The following ITFG1 variants were observed in gnomAD, a reference collection of about 807,000 sequenced individuals.
The protein encoded by ITFG1 is integrin alpha FG-GAP repeat containing 1, also known as T-cell immunomodulatory protein.
ITFG1 carries 34 observed loss-of-function variants against 81.8 expected under a neutral mutation model. The observed-to-expected ratio is 0.42, with a 90% CI of 0.32 to 0.55. The LOEUF (loss-of-function observed/expected upper bound fraction) is 0.55, where lower values mean the gene tolerates loss of function less well. ITFG1 is among the 20% of genes least tolerant of loss of function. The probability of loss-of-function intolerance (pLI) is 0.17; values close to 1 mark genes in which losing one functional copy is unlikely to be tolerated. For synonymous variants in ITFG1, 285 were observed against 270.6 expected, an observed-to-expected ratio of 1.05 and a Z score of -0.52; for missense variants, 672 against 755.4, an observed-to-expected ratio of 0.89 and a Z score of 1.29.
At chr16:47,406,094 CTGCAGTT>C (rs1238757908) in intron 6 of ITFG1, among the ~76,000 whole-genome samples, 2 of 152,166 alleles carry the variant, frequency 1.3e-5, no homozygotes, top group African/African-American at 4.8e-5. Flanking sequence ...TCAGAAACAA[CTGCAGTT>C]TTTAGTAAAC....
chr16:47,388,069 T>A (rs1968484890), intron 6 of ITFG1, among the ~76,000 whole-genome samples: 1 of 151,956 alleles, frequency 6.6e-6, no homozygotes, highest in Admixed American at 6.6e-5. Context: ...AAATAAAAAA[T>A]TCACTTGAGG....
chr16:47,310,929 A>G (rs1967248451), intron 10 of ITFG1, among the ~76,000 whole-genome samples: 1 of 152,180 alleles, frequency 6.6e-6, no homozygotes, highest in Non-Finnish European at 1.5e-5. Flanking sequence ...CTCAAAATAT[A>G]ATTGGGTCAT....
intron 10 of ITFG1, among the ~76,000 whole-genome samples, chr16:47,277,009 C>T (rs1966404608): frequency 6.6e-6 from 1 of 152,066 alleles, no homozygotes; most frequent in Non-Finnish European, 1.5e-5. Context: ...ACAAAATAAC[C>T]TGTATTCATT....
intron 14 of ITFG1, chr16:47,196,744 G>A (rs1475212573): frequency 6.6e-6 from 1 of 152,248 alleles, no homozygotes; most frequent in Non-Finnish European, 1.5e-5. Context: ...ATCACTTGAG[G>A]TCAGGAGTTC....
chr16:47,430,062 T>C (rs986396520), intron 5 of ITFG1, among the ~76,000 whole-genome samples: 30 of 149,670 alleles, frequency 2.0e-4, no homozygotes, highest in Admixed American at 3.3e-4. Context: ...CTTTTCTTTT[T>C]TTTTTTTTTT....
At chr16:47,460,532 C>G (rs1323742435) in intron 1 of ITFG1, among the ~76,000 whole-genome samples, 1 of 152,102 alleles carries the variant, frequency 6.6e-6, no homozygotes, top group East Asian at 1.9e-4. Context: ...CTTTGGAAAA[C>G]AGGTGATTCC....
chr16:47,227,573 T>A (rs1965771226), intron 13 of ITFG1, among the ~76,000 whole-genome samples: 1 of 152,210 alleles, frequency 6.6e-6, no homozygotes, highest in Admixed American at 6.5e-5. Context: ...TATTGTCTTA[T>A]AAAATTGGGG....
intron 10 of ITFG1, among the ~76,000 whole-genome samples, chr16:47,294,500 T>A (rs1316542886): frequency 6.6e-6 from 1 of 152,176 alleles, no homozygotes; most frequent in African/African-American, 2.4e-5. Flanking sequence ...ATGGGATGTT[T>A]TTCCATCTTT....
chr16:47,424,325 T>A (rs1968991238), intron 6 of ITFG1, among the ~76,000 whole-genome samples: 1 of 152,204 alleles, frequency 6.6e-6, no homozygotes, highest in African/African-American at 2.4e-5. Flanking sequence ...TAGTTAGCCA[T>A]TCGCCTAACC....
At chr16:47,177,550 T>G (rs1238268652) in intron 14 of ITFG1, among the ~76,000 whole-genome samples, 1 of 152,202 alleles carries the variant, frequency 6.6e-6, no homozygotes, top group Non-Finnish European at 1.5e-5. Context: ...CATGTAAACT[T>G]TTAGAAAAGA....
At chr16:47,360,311 T>C (rs1968093199) in intron 8 of ITFG1, among the ~76,000 whole-genome samples, 1 of 152,198 alleles carries the variant, frequency 6.6e-6, no homozygotes, top group South Asian at 2.1e-4. Flanking sequence ...ATGACAGTGA[T>C]ATGGTACAGT....
intron 5 of ITFG1, among the ~76,000 whole-genome samples, chr16:47,445,691 A>T (rs1474095717): frequency 6.6e-6 from 1 of 152,222 alleles, no homozygotes; most frequent in African/African-American, 2.4e-5. Context: ...AAGAGAATAT[A>T]AAAGAAATGA....
At chr16:47,390,355 T>A (rs757416329) in intron 6 of ITFG1, among the ~76,000 whole-genome samples, 3 of 152,210 alleles carry the variant, frequency 2.0e-5, no homozygotes, top group African/African-American at 4.8e-5. Context: ...GAGTTCTGTA[T>A]GTGAAATCAA....
intron 8 of ITFG1, among the ~76,000 whole-genome samples, chr16:47,347,259 A>G (rs1303533017): frequency 6.6e-6 from 1 of 152,262 alleles, no homozygotes; most frequent in Non-Finnish European, 1.5e-5. Flanking sequence ...CGCCCCACCC[A>G]GGAAGTGCAA....
chr16:47,163,705 T>C (rs1352174737), intron 14 of ITFG1, among the ~76,000 whole-genome samples: 1 of 152,214 alleles, frequency 6.6e-6, no homozygotes, highest in Non-Finnish European at 1.5e-5. Flanking sequence ...GTTTCCAAAG[T>C]ACCTGCACCA....
At chr16:47,283,751 CATT>C (rs919122477) in intron 10 of ITFG1, among the ~76,000 whole-genome samples, 15 of 152,298 alleles carry the variant, frequency 9.8e-5, no homozygotes, top group African/African-American at 3.6e-4. Flanking sequence ...TCCTAAAAGA[CATT>C]ATATTTGTGG....
intron 16 of ITFG1, among the ~76,000 whole-genome samples, chr16:47,159,250 C>T (rs1056497062): frequency 3.9e-5 from 6 of 152,074 alleles, no homozygotes; most frequent in African/African-American, 1.4e-4. Context: ...CAATATTTTT[C>T]ATTTTCCAAG....
chr16:47,433,255 T>C (rs1331348906), intron 5 of ITFG1, among the ~76,000 whole-genome samples: 3 of 152,198 alleles, frequency 2.0e-5, no homozygotes, highest in Admixed American at 6.5e-5. Context: ...AGCATAAAGA[T>C]GTGTTTTATT....
chr16:47,386,958 A>G (rs1968471010), intron 6 of ITFG1, among the ~76,000 whole-genome samples: 1 of 152,222 alleles, frequency 6.6e-6, no homozygotes, highest in Non-Finnish European at 1.5e-5. Flanking sequence ...TAACAGAGAG[A>G]ACTAGGGAAT....
Sources: gnomAD v4.1 joint callset for allele counts (sites outside exome capture counted in the v4.1 genomes callset) on GRCh38, gnomAD v4.1.1 for gene constraint, MANE v1.5 for transcripts, NCBI Gene and HGNC (gene_info 2026-07-23, HGNC 2026-07-21) for gene names.